Variants in QKI observed in about 807,000 individuals in gnomAD.
QKI encodes QKI, KH domain containing RNA binding, also known as KH domain-containing RNA-binding protein QKI.
Under a neutral mutation model 39.0 loss-of-function variants are expected in QKI, and 10 were observed. That is an observed-to-expected ratio of 0.26 (90% CI 0.16 to 0.43). The LOEUF (loss-of-function observed/expected upper bound fraction) is 0.43. Among genes scored for constraint, QKI ranks in the 20% least tolerant of loss-of-function variants. QKI has a pLI of 1.00. For synonymous variants in QKI, 204 were observed against 155.4 expected, an observed-to-expected ratio of 1.31 and a Z score of -2.33; for missense variants, 218 against 428.0, an observed-to-expected ratio of 0.51 and a Z score of 4.33.
intron 1 of QKI, among the ~76,000 whole-genome samples, chr6:163,437,055 A>T (rs1002371832): frequency 6.6e-6 from 1 of 152,168 alleles, no homozygotes; most frequent in African/African-American, 2.4e-5. Flanking sequence ...TGACATAGAT[A>T]CTTGGTCATT....
intron 2 of QKI, among the ~76,000 whole-genome samples, chr6:163,472,809 T>A (rs960800604): frequency 6.6e-6 from 1 of 152,180 alleles, no homozygotes; most frequent in African/African-American, 2.4e-5. Flanking sequence ...AAAATGAAAC[T>A]GCTCCCTATC....
intron 1 of QKI, among the ~76,000 whole-genome samples, chr6:163,449,430 A>G (rs1178518826): frequency 6.6e-6 from 1 of 152,230 alleles, no homozygotes; most frequent in Non-Finnish European, 1.5e-5. Context: ...TCAAATGTAC[A>G]AAGAAACAGC....
chr6:163,525,853 T>C (rs1285056106), intron 3 of QKI, among the ~76,000 whole-genome samples: 1 of 152,246 alleles, frequency 6.6e-6, no homozygotes, highest in Non-Finnish European at 1.5e-5. Context: ...ATCTCATTTT[T>C]AAATGAGAAA....
intron 4 of QKI, among the ~76,000 whole-genome samples, chr6:163,558,398 CTTTT>C (rs1224800568): frequency 6.8e-6 from 1 of 146,758 alleles, no homozygotes; most frequent in East Asian, 2.0e-4. Flanking sequence ...CTTTTTTTTT[CTTTT>C]TCTTTTTTTT....
intron 6 of QKI, chr6:163,565,203 C>G: frequency 2.0e-6 from 2 of 989,920 alleles, no homozygotes; most frequent in Non-Finnish European, 2.4e-6. Context: ...AACATGTAAC[C>G]TGTAACCTTG....
At chr6:163,509,069 G>A (rs1396067090) in intron 3 of QKI, among the ~76,000 whole-genome samples, 1 of 152,056 alleles carries the variant, frequency 6.6e-6, no homozygotes, top group African/African-American at 2.4e-5. Flanking sequence ...AATCCGGGAG[G>A]CGGAGTTGCA....
intron 4 of QKI, among the ~76,000 whole-genome samples, chr6:163,537,770 C>G (rs1022277123): frequency 6.6e-6 from 1 of 152,218 alleles, no homozygotes; most frequent in African/African-American, 2.4e-5. Context: ...TCCCCATTGC[C>G]TTTACCTACT....
rs181290737 is a variant in QKI at position 163,473,396 on chromosome 6, T to C, written c.286-5384T>C. 3.2e-4 allele frequency among the ~76,000 whole-genome samples: 49 copies of C among 152,282 alleles called. 1 individual carries two copies. Among genetic ancestry groups the C allele is most frequent in the Admixed American group, 2.7e-3 (42 of 15,282 alleles). Reference sequence around the variant, plus strand: ...TTCAGGAGGTGGGAGGAGATGCAGATTCCCTTTGCAGATGGCATGGACACA... The same window carrying C: ...TTCAGGAGGTGGGAGGAGATGCAGACTCCCTTTGCAGATGGCATGGACACA... On this transcript the variant is annotated intron_variant, in intron 2 of 7. Coordinates refer to ENST00000361752, the MANE Select transcript of QKI (RefSeq NM_006775.3).
intron 4 of QKI, among the ~76,000 whole-genome samples, chr6:163,545,276 T>A (rs1781797471): frequency 6.6e-6 from 1 of 152,134 alleles, no homozygotes; most frequent in South Asian, 2.1e-4. Context: ...ATTTTTATAT[T>A]CTATCTCCAC....
At chr6:163,542,455 T>C (rs1336893307) in intron 4 of QKI, among the ~76,000 whole-genome samples, 1 of 152,044 alleles carries the variant, frequency 6.6e-6, no homozygotes, top group Non-Finnish European at 1.5e-5. Context: ...CTGTATCTTG[T>C]TTTCACTATA....
chr6:163,468,937 C>A (rs764140775), intron 2 of QKI, among the ~76,000 whole-genome samples: 12 of 151,358 alleles, frequency 7.9e-5, no homozygotes, highest in Admixed American at 7.2e-4. Flanking sequence ...TCTCTACTTA[C>A]AACATTTTGA....
intron 1 of QKI, among the ~76,000 whole-genome samples, chr6:163,415,772 G>T (rs1787406837): frequency 6.6e-6 from 1 of 151,992 alleles, no homozygotes. Flanking sequence ...CCTCCGCTCG[G>T]CCTCCCGAGC....
intron 3 of QKI, among the ~76,000 whole-genome samples, chr6:163,529,589 C>T (rs1356189717): frequency 1.3e-5 from 2 of 152,048 alleles, no homozygotes; most frequent in South Asian, 2.1e-4. Flanking sequence ...TAGACATAGG[C>T]GATAGATAGC....
intron 1 of QKI, among the ~76,000 whole-genome samples, chr6:163,451,452 C>T (rs1790553263): frequency 6.6e-6 from 1 of 152,118 alleles, no homozygotes; most frequent in African/African-American, 2.4e-5. Context: ...GGGAAGAGGA[C>T]ACTTAGATAT....
chr6:163,490,865 T>C (rs1778006937), intron 3 of QKI, among the ~76,000 whole-genome samples: 1 of 152,200 alleles, frequency 6.6e-6, no homozygotes, highest in Non-Finnish European at 1.5e-5. Flanking sequence ...TTCTTTCTTG[T>C]GTTAGGATAA....
At chr6:163,426,243 C>CTT (rs1301275880) in intron 1 of QKI, among the ~76,000 whole-genome samples, 23 of 137,996 alleles carry the variant, frequency 1.7e-4, no homozygotes, top group African/African-American at 5.6e-4. Context: ...AGAACCATCT[C>CTT]TTTTTTTTTT....
intron 2 of QKI, among the ~76,000 whole-genome samples, chr6:163,459,161 A>T (rs1791156405): frequency 6.6e-6 from 1 of 152,198 alleles, no homozygotes; most frequent in Admixed American, 6.5e-5. Flanking sequence ...GCCCAGGCTA[A>T]AGCGGGCAGT....
chr6:163,450,594 C>T (rs187148830), intron 1 of QKI, among the ~76,000 whole-genome samples: 23 of 151,818 alleles, frequency 1.5e-4, no homozygotes, highest in Admixed American at 8.5e-4. Context: ...GCAGTGACAT[C>T]GGAGCAGAAT....
rs147465297 is a variant in QKI at position 163,549,479 on chromosome 6, G to A, written c.547-12503G>A. 3.2e-3 allele frequency among the ~76,000 whole-genome samples: 483 copies of A among 152,320 alleles called. 4 individuals carry two copies. The highest frequency in any genetic ancestry group is 0.011 in the African/African-American group (453 of 41,576). ...TAATCCTAGCACTTTGGGAGGCTGA[G>A]GCGGGCGGATCTCTTGAGGCCAGGA... On this transcript the variant is annotated intron_variant, in intron 4 of 7. Transcript: ENST00000361752.
Sources: allele counts gnomAD v4.1 joint callset (sites outside exome capture counted in the v4.1 genomes callset), GRCh38; gene constraint gnomAD v4.1.1; transcripts MANE v1.5; gene names NCBI Gene and HGNC (gene_info 2026-07-23, HGNC 2026-07-21).